The following TRAPPC9 variants were observed in gnomAD, a reference collection of about 807,000 sequenced individuals.
The protein encoded by TRAPPC9 is trafficking protein particle complex subunit 9, also known as IKK2 binding protein.
In TRAPPC9, 83 loss-of-function variants were observed where a neutral mutation model predicts 124.0. That is an observed-to-expected ratio of 0.67 (90% CI 0.56 to 0.80). The LOEUF is 0.80. Ranked by LOEUF, TRAPPC9 falls within the 30% of genes least tolerant of loss-of-function variation. The pLI, the probability that TRAPPC9 is intolerant of heterozygous loss-of-function variation, is 0.00. For missense variants in TRAPPC9, 1,302 were observed against 1,508.3 expected (o/e 0.86, Z 2.27); for synonymous variants, 638 against 617.5 (o/e 1.03, Z -0.49).
chr8:140,251,480 T>C (rs2064131668), intron 16 of TRAPPC9, among the ~76,000 whole-genome samples: 1 of 152,238 alleles, frequency 6.6e-6, no homozygotes, highest in Admixed American at 6.5e-5. Flanking sequence ...TTTTTCTACA[T>C]TTGTTAATAA....
chr8:140,345,257 G>C (rs1167519538), intron 9 of TRAPPC9, among the ~76,000 whole-genome samples: 1 of 152,232 alleles, frequency 6.6e-6, no homozygotes, highest in Non-Finnish European at 1.5e-5. Context: ...AGATGGGGTG[G>C]AGGTGCTGAG....
At chr8:139,872,388 G>GTGGATGGGTGGATGGA (rs58789801) in intron 21 of TRAPPC9, among the ~76,000 whole-genome samples, 1,065 of 74,880 alleles carry the variant, frequency 0.014, 63 homozygotes, top group Middle Eastern at 0.061. Flanking sequence ...GGATAAGTGG[G>GTGGATGGGTGGATGGA]TGGATGGATG....
intron 5 of TRAPPC9, among the ~76,000 whole-genome samples, chr8:140,425,263 C>T (rs1315476415): frequency 6.6e-6 from 1 of 152,226 alleles, no homozygotes; most frequent in African/African-American, 2.4e-5. Context: ...GCATCTCATT[C>T]TCTTTACTCG....
intron 8 of TRAPPC9, among the ~76,000 whole-genome samples, chr8:140,363,214 CA>C (rs1192769217): frequency 6.6e-6 from 1 of 152,164 alleles, no homozygotes; most frequent in Non-Finnish European, 1.5e-5. Flanking sequence ...TCTTCATATA[CA>C]GCAACACAAA....
chr8:140,436,154 T>C (rs2070805693), intron 3 of TRAPPC9, among the ~76,000 whole-genome samples: 1 of 152,192 alleles, frequency 6.6e-6, no homozygotes, highest in Admixed American at 6.5e-5. Context: ...AAGACCAGCC[T>C]GGCCAACATG....
chr8:140,252,767 A>G lies in TRAPPC9; in HGVS notation c.2431+10T>C. The G allele has an allele frequency of 6.2e-7, 1 of 1,613,376 alleles. No homozygotes were observed. The highest frequency in any genetic ancestry group is 8.5e-7 in the Non-Finnish European group (1 of 1,179,970). On this transcript the variant is annotated intron_variant, in intron 16 of 22. Coordinates refer to ENST00000438773, the MANE Select transcript of TRAPPC9 (RefSeq NM_001160372.4). This position sits in a 1 kb window ranked among gnomAD's most constrained non-coding sequence, Gnocchi z 4.2. ...CCTGACGTGCTAATTAAAATTAGGA[A>G]AGCGCTTACCATCACTGAGATCCTG...
At chr8:140,413,808 A>G (rs545007725) in intron 5 of TRAPPC9, among the ~76,000 whole-genome samples, 42 of 151,176 alleles carry the variant, frequency 2.8e-4, no homozygotes, top group Non-Finnish European at 5.5e-4. Flanking sequence ...ATGATTTCCA[A>G]TTTCATCCAT....
At chr8:140,282,526 C>T (rs2065354893) in intron 14 of TRAPPC9, among the ~76,000 whole-genome samples, 1 of 150,170 alleles carries the variant, frequency 6.7e-6, no homozygotes, top group Non-Finnish European at 1.5e-5. Context: ...AAGATTGTGC[C>T]ACGGCACTCC....
intron 17 of TRAPPC9, among the ~76,000 whole-genome samples, chr8:140,125,700 T>C (rs2061081987): frequency 6.7e-6 from 1 of 148,214 alleles, no homozygotes; most frequent in Non-Finnish European, 1.5e-5. Flanking sequence ...GTTCATGCCA[T>C]TCTCCTGCCT....
At chr8:139,772,828 A>G (rs1215306842) in intron 21 of TRAPPC9, among the ~76,000 whole-genome samples, 12 of 151,828 alleles carry the variant, frequency 7.9e-5, no homozygotes, top group Admixed American at 4.6e-4. Flanking sequence ...TGGTGTCATT[A>G]TAAGAGGAGA....
chr8:140,173,959 A>G (rs1237086628), intron 17 of TRAPPC9, among the ~76,000 whole-genome samples: 1 of 152,250 alleles, frequency 6.6e-6, no homozygotes. Context: ...AATAATTAAT[A>G]AAATGGCAAA....
chr8:139,979,807 A>T (rs1487899160), intron 19 of TRAPPC9, among the ~76,000 whole-genome samples: 1 of 152,062 alleles, frequency 6.6e-6, no homozygotes, highest in Non-Finnish European at 1.5e-5. Flanking sequence ...TGCCAGGGGG[A>T]CCCAGGACAG....
Position 140,457,691 on chromosome 8 carries a change from G to A in TRAPPC9, c.-63C>T. ...GGAGCCCACGACCTGGCGGGCAGCGGGGCCGAGCAGCCTCTGCGGCCACTT... is the reference window on the plus strand; with the variant it reads ...GGAGCCCACGACCTGGCGGGCAGCGAGGCCGAGCAGCCTCTGCGGCCACTT... On this transcript the variant is annotated 5_prime_UTR_variant, in exon 1 of 23. Transcript: ENST00000438773. 1.0e-6 allele frequency: 1 copy of A among 987,180 alleles called. No homozygotes were observed. The highest frequency in any genetic ancestry group is 1.2e-6 in the Non-Finnish European group (1 of 831,108). The allele number at this position is 987,180 out of a possible 1,614,324, so 61.2% of individuals were successfully genotyped here. A position where few individuals can be genotyped will look rare whatever the true frequency, so the allele number is the denominator to read the frequency against.
intron 21 of TRAPPC9, among the ~76,000 whole-genome samples, chr8:139,855,695 A>G (rs1380447028): frequency 6.6e-6 from 1 of 152,298 alleles, no homozygotes; most frequent in Non-Finnish European, 1.5e-5. Flanking sequence ...AAGCCCTACC[A>G]AGGTGGGAGG....
intron 16 of TRAPPC9, 141 bp from the exon 17 acceptor site, chr8:140,221,724 G>T: frequency 1.7e-6 from 2 of 1,185,028 alleles, no homozygotes; most frequent in Non-Finnish European, 2.4e-6. Flanking sequence ...TGCAACCTTT[G>T]CCTCCTGGGC....
intron 17 of TRAPPC9, among the ~76,000 whole-genome samples, chr8:140,092,359 G>A (rs528125235): frequency 4.1e-4 from 62 of 151,820 alleles, no homozygotes; most frequent in Non-Finnish European, 7.5e-4. Context: ...TGCCACGCGA[G>A]GCTAATTTTT....
intron 19 of TRAPPC9, among the ~76,000 whole-genome samples, chr8:139,971,140 C>T (rs946686425): frequency 1.3e-4 from 20 of 152,098 alleles, no homozygotes; most frequent in African/African-American, 2.7e-4. Flanking sequence ...TCCCGCCAGT[C>T]GTCACTCACC....
intron 14 of TRAPPC9, among the ~76,000 whole-genome samples, chr8:140,282,562 G>C (rs1306329282): frequency 1.3e-5 from 1 of 77,698 alleles, no homozygotes; most frequent in Admixed American, 1.3e-4. Context: ...GCAAGACTCC[G>C]TCAAAAAAAA....
At chr8:140,423,326 G>T (rs1394400781) in intron 5 of TRAPPC9, among the ~76,000 whole-genome samples, 1 of 152,098 alleles carries the variant, frequency 6.6e-6, no homozygotes. Context: ...TGTAATCCCA[G>T]CTATTTGGGA....
Sources: gnomAD v4.1 joint callset for allele counts (sites outside exome capture counted in the v4.1 genomes callset) on GRCh38, gnomAD v4.1.1 for gene constraint, Gnocchi (gnomAD v3.1) non-coding constraint, MANE v1.5 for transcripts, NCBI Gene and HGNC (gene_info 2026-07-23, HGNC 2026-07-21) for gene names.